The following STKLD1 variants were observed in gnomAD, a reference collection of about 807,000 sequenced individuals.
STKLD1 encodes serine/threonine kinase like domain containing 1.
In STKLD1, 79 loss-of-function variants were observed where a neutral mutation model predicts 80.4. The ratio of observed to expected loss-of-function variants is 0.98; its 90% CI spans 0.82 to 1.19. The LOEUF (loss-of-function observed/expected upper bound fraction) is 1.19, where lower values mean the gene tolerates loss of function less well. STKLD1 is among the 50% of genes most tolerant of loss of function. The pLI is 0.00. For missense variants in STKLD1, 841 were observed against 856.0 expected, an observed-to-expected ratio of 0.98 and a Z score of 0.22; for synonymous variants, 393 against 357.6, an observed-to-expected ratio of 1.10 and a Z score of -1.12.
At chr9:133,399,036 TAG>T (rs1554777134) in intron 11 of STKLD1, among the ~76,000 whole-genome samples, 4 of 152,096 alleles carry the variant, frequency 2.6e-5, no homozygotes, top group African/African-American at 2.4e-5. Context: ...GTATTTTTAT[TAG>T]AGAGGGGGTT....
At chr9:133,400,615 G>C (rs940742553) in intron 12 of STKLD1, 86 bp downstream of exon 12, 54 of 1,123,362 alleles carry the variant, frequency 4.8e-5, no homozygotes, top group Admixed American at 6.8e-5. Context: ...GTGGGCACCG[G>C]GCCGGGTGGG....
chr9:133,405,615 A>T lies in STKLD1; in HGVS notation c.*194A>T. On this transcript the variant is annotated 3_prime_UTR_variant, in exon 18 of 18. Coordinates refer to ENST00000371957, the MANE Select transcript of STKLD1 (RefSeq NM_153710.5). ...TGAGTAACTGCTCCTGGACCCGGGG[A>T]CTGTCCACGAAAACTGACTTGCCTG... The T allele has an allele frequency of 2.0e-6, 1 of 508,258 alleles. No individual in the cohort carries two copies. 31.5% of individuals were successfully genotyped at this position (508,258 alleles called of 1,614,324 possible).
At chr9:133,404,590 GCCT>G (rs1838797048) in intron 16 of STKLD1, among the ~76,000 whole-genome samples, 196 bp from the exon 17 acceptor site, 1 of 152,152 alleles carries the variant, frequency 6.6e-6, no homozygotes, top group Admixed American at 6.5e-5. Context: ...TGGGGGGGCT[GCCT>G]CCTCTGTTCT....
intron 2 of STKLD1, among the ~76,000 whole-genome samples, chr9:133,383,065 CGGTG>C (rs1838179160): frequency 9.5e-6 from 1 of 105,672 alleles, no homozygotes; most frequent in Non-Finnish European, 2.0e-5. Flanking sequence ...GTGATGGTGA[CGGTG>C]GTGTTGATGG....
intron 4 of STKLD1, among the ~76,000 whole-genome samples, chr9:133,386,473 T>G (rs1470470816): frequency 1.3e-5 from 2 of 152,208 alleles, no homozygotes; most frequent in Non-Finnish European, 2.9e-5. Context: ...CCTGGGCCTG[T>G]GCGCCCCTTA....
In STKLD1 at chr9:133,377,440, C is replaced by T. The variant is rs2130254045; in HGVS notation, c.87+880C>T. On this transcript the variant is annotated intron_variant, in intron 1 of 17. Coordinates refer to ENST00000371957, the MANE Select transcript of STKLD1 (RefSeq NM_153710.5). Reference sequence around the variant, plus strand: ...CAACACTTTGGGAGGCCAAGGCGGGCGGATCACCTGAGATCGGGAGTTCAA... The same window carrying T: ...CAACACTTTGGGAGGCCAAGGCGGGTGGATCACCTGAGATCGGGAGTTCAA... Among the ~76,000 whole-genome samples the T allele has an allele frequency of 1.1e-3, 172 of 152,298 alleles. 1 individual carries two copies. In the Middle Eastern group the frequency reaches 0.014, roughly 12 times the overall value.
rs992550163 is a variant in STKLD1, at chr9:133,389,685, G to A, written c.467+89G>A. 2 of 1,572,590 alleles carry A rather than the reference G, an allele frequency of 1.3e-6. No homozygotes were observed. Among genetic ancestry groups the A allele is most frequent in the African/African-American group, 1.3e-5 (1 of 74,362 alleles). The stretch of plus-strand genomic sequence containing the variant: ...ACTCGGGTGCCAGTGCCCGTGGGCA[G>A]GATCTGGGGAGAAAGGTGCACCGGG... On this transcript the variant is annotated intron_variant, in intron 6 of 17. Transcript: ENST00000371957. The surrounding 1 kb of genome is among the most constrained non-coding windows in gnomAD (Gnocchi z 6.4).
In STKLD1 at chr9:133,390,701, T is replaced by C. The variant is rs950562137; in HGVS notation, c.488T>C (p.Ile163Thr). 6.2e-7 allele frequency: 1 copy of C among 1,613,708 alleles called. No individual in the cohort carries two copies. Among genetic ancestry groups the C allele is most frequent in the Non-Finnish European group, 8.5e-7 (1 of 1,179,884 alleles). Residue 163 changes from isoleucine (I) to threonine (T), a missense_variant, in exon 7 of 18, where the codon ATC becomes ACC. Physicochemically the swap from Ile to Thr is moderately conservative, Grantham distance 89. Transcript: ENST00000371957. The surrounding 1 kb of genome is among the most constrained non-coding windows in gnomAD (Gnocchi z 5.1). ...TTCAGGAATCTCAAACCCTCCAACA[T>C]CATCCTCATCAGCAGTGACCACTGC... Reference protein sequence around the residue: ...IIHRNLKPSNIILISSDHCKL... With the variant: ...IIHRNLKPSNTILISSDHCKL...
chr9:133,401,342 T>C (rs1025521350), intron 12 of STKLD1, among the ~76,000 whole-genome samples: 4 of 152,092 alleles, frequency 2.6e-5, no homozygotes, highest in Non-Finnish European at 5.9e-5. Flanking sequence ...TTCACCATGT[T>C]AGTCAGGCTG....
chr9:133,390,594 C>A lies in STKLD1; in HGVS notation c.468-87C>A. 1 of 950,410 alleles carries A rather than the reference C, an allele frequency of 1.1e-6. No individual in the cohort carries two copies. Among genetic ancestry groups the A allele is most frequent in the Non-Finnish European group, 1.7e-6 (1 of 587,582 alleles). 58.9% of individuals were successfully genotyped at this position (950,410 alleles called of 1,614,324 possible). ...AGGGAGCAGAGAGTCAGGCTCAGCA[C>A]ACACACTGGTCCCACCTGGGGTTGT... On this transcript the variant is annotated intron_variant, in intron 6 of 17. Transcript: ENST00000371957. The surrounding 1 kb of genome is among the most constrained non-coding windows in gnomAD (Gnocchi z 5.1).
Position 133,394,333 on chromosome 9 carries a change from TCTC to T in STKLD1, c.629_631del (p.Ser210del). 1 of 1,613,704 alleles carries T rather than the reference TCTC, an allele frequency of 6.2e-7. No individual in the cohort carries two copies. The highest frequency in any genetic ancestry group is 8.5e-7 in the Non-Finnish European group (1 of 1,179,876). ...TGGATGGCCCCTGAAGCCCTCAACT[TCTC>T]CTTCAGCCAGAAATCAGACATCTGG... On this transcript the variant is annotated inframe_deletion, in exon 8 of 18. Transcript: ENST00000371957. This position sits in a 1 kb window ranked among gnomAD's most constrained non-coding sequence, Gnocchi z 4.9.
At chr9:133,401,979 C>T in intron 13 of STKLD1, 101 bp downstream of exon 13, 1 of 1,415,388 alleles carries the variant, frequency 7.1e-7, no homozygotes, top group Non-Finnish European at 9.5e-7. Flanking sequence ...TTGGACAGGA[C>T]AGTGCTGGGC....
chr9:133,404,795 C>T lies in STKLD1; in HGVS notation c.1739C>T (p.Ala580Val), dbSNP rs782656316. The T allele has an allele frequency of 1.4e-5, 22 of 1,612,254 alleles. No individual in the cohort carries two copies. The highest frequency in any genetic ancestry group is 4.5e-5 in the East Asian group (2 of 44,738). ...LASLVKVSEL[A>V]AFKVVVQEEG... Reference sequence around the variant, plus strand: ...ACTCCCACCCATCCCCCAGAGCTGGCGGCCTTCAAGGTGGTGGTGCAGGAG... The same window carrying T: ...ACTCCCACCCATCCCCCAGAGCTGGTGGCCTTCAAGGTGGTGGTGCAGGAG... The change falls in exon 17 of 18, where the codon GCG (alanine) becomes GTG (valine). Residue 580 changes from alanine to valine, a missense_variant. Transcript: ENST00000371957.
chr9:133,383,553 GTAA>G (rs1838200865), intron 2 of STKLD1, among the ~76,000 whole-genome samples: 1 of 81,380 alleles, frequency 1.2e-5, no homozygotes, highest in Non-Finnish European at 3.0e-5. Flanking sequence ...GATGAAGGTG[GTAA>G]TGATGATGTT....
intron 2 of STKLD1, among the ~76,000 whole-genome samples, chr9:133,381,343 A>T (rs1838128143): frequency 6.6e-6 from 1 of 151,200 alleles, no homozygotes; most frequent in Non-Finnish European, 1.5e-5. Context: ...CTCCATCAAC[A>T]TGGAGAGGAT....
rs2130273531 is a variant in STKLD1, at chr9:133,385,029, C to T, written c.220-588C>T. Among the ~76,000 whole-genome samples the T allele has an allele frequency of 6.6e-6, 1 of 152,308 alleles. No homozygotes were observed. Among genetic ancestry groups the T allele is most frequent in the Non-Finnish European group, 1.5e-5 (1 of 68,028 alleles). On this transcript the variant is annotated intron_variant, in intron 3 of 17. Coordinates refer to ENST00000371957, the MANE Select transcript of STKLD1 (RefSeq NM_153710.5). This position sits in a 1 kb window ranked among gnomAD's most constrained non-coding sequence, Gnocchi z 4.9. ...CTCGGTAACAAATGGGAAGAAAGAG[C>T]ATGGGGCCTGCCCAGAGCCGCACGC...
At chr9:133,380,047 T>C (rs2130262570) in intron 2 of STKLD1, among the ~76,000 whole-genome samples, 12 of 152,182 alleles carry the variant, frequency 7.9e-5, no homozygotes, top group African/African-American at 2.6e-4. Context: ...GCTTTTTTTT[T>C]TGTTTGGAGA....
In STKLD1 at chr9:133,390,243, ACACACAC is replaced by A. The variant is rs1176136458; in HGVS notation, c.468-437_468-431del. ...CACACACACACACACACACACACAC[ACACACAC>A]ACCACGCAGACCATACGTACAAAGG... On this transcript the variant is annotated intron_variant, in intron 6 of 17. Coordinates refer to ENST00000371957, the MANE Select transcript of STKLD1 (RefSeq NM_153710.5). The surrounding 1 kb of genome is among the most constrained non-coding windows in gnomAD (Gnocchi z 5.1). Among the ~76,000 whole-genome samples the A allele has an allele frequency of 6.0e-3, 627 of 104,998 alleles. 10 individuals carry two copies. The highest frequency in any genetic ancestry group is 0.024 in the African/African-American group (598 of 24,968). The allele number at this position is 104,998 out of a possible 152,430, so 68.9% of individuals were successfully genotyped here.
chr9:133,397,590 T>C lies in STKLD1; in HGVS notation c.997+296T>C, dbSNP rs1013133077. Among the ~76,000 whole-genome samples the C allele has an allele frequency of 2.6e-5, 4 of 152,156 alleles. No individual in the cohort carries two copies. The East Asian group carries it at 7.7e-4, about 29-fold the overall frequency. On this transcript the variant is annotated intron_variant, in intron 10 of 17. Transcript: ENST00000371957. ...TACACAAATCCTCTATGTAGCTCAATGGCCTAGTCACTGCCCACGCCTCCC... is the reference window on the plus strand; with the variant it reads ...TACACAAATCCTCTATGTAGCTCAACGGCCTAGTCACTGCCCACGCCTCCC...
Sources: gnomAD v4.1 joint callset for allele counts (sites outside exome capture counted in the v4.1 genomes callset) on GRCh38, gnomAD v4.1.1 for gene constraint, Gnocchi (gnomAD v3.1) non-coding constraint, MANE v1.5 for transcripts, NCBI Gene and HGNC (gene_info 2026-07-23, HGNC 2026-07-21) for gene names.